RNF220: variants seen among roughly 807,000 people sequenced by gnomAD.
The protein encoded by RNF220 is E3 ubiquitin-protein ligase RNF220.
In RNF220, 7 loss-of-function variants were observed where a neutral mutation model predicts 67.1. The ratio of observed to expected loss-of-function variants is 0.10; its 90% CI spans 0.06 to 0.20. The LOEUF is 0.20. Ranked by LOEUF, RNF220 falls within the 10% of genes least tolerant of loss-of-function variation. The probability of loss-of-function intolerance (pLI) is 1.00; values close to 1 mark genes in which losing one functional copy is unlikely to be tolerated. For missense variants in RNF220, 565 were observed against 740.3 expected (o/e 0.76, Z 2.75); for synonymous variants, 270 against 283.2 (o/e 0.95, Z 0.47).
chr1:44,581,180 C>G (rs182693344), intron 2 of RNF220, among the ~76,000 whole-genome samples: 62 of 152,350 alleles, frequency 4.1e-4, no homozygotes, highest in African/African-American at 1.4e-3. Context: ...CTCTGCACCA[C>G]ACTCACACAC....
At chr1:44,558,962 G>A (rs1034303635) in intron 2 of RNF220, among the ~76,000 whole-genome samples, 7 of 152,200 alleles carry the variant, frequency 4.6e-5, no homozygotes, top group African/African-American at 1.7e-4. Flanking sequence ...TTCCCTCACA[G>A]CTGTTGTTTA....
chr1:44,422,382 C>T (rs938808775), intron 2 of RNF220, among the ~76,000 whole-genome samples: 10 of 152,202 alleles, frequency 6.6e-5, no homozygotes, highest in Non-Finnish European at 1.5e-4. Context: ...GCATGGGCTT[C>T]CTTCCTGACA....
At chr1:44,558,224 G>T (rs1663273307) in intron 2 of RNF220, among the ~76,000 whole-genome samples, 1 of 152,164 alleles carries the variant, frequency 6.6e-6, no homozygotes, top group South Asian at 2.1e-4. Context: ...GTACCCTTTT[G>T]CCCTGAAATC....
At chr1:44,452,311 T>C (rs941176588) in intron 2 of RNF220, among the ~76,000 whole-genome samples, 13 of 152,138 alleles carry the variant, frequency 8.5e-5, no homozygotes, top group South Asian at 8.3e-4. Context: ...CTCAGCACTT[T>C]GGGTGGCTGA....
chr1:44,630,177 ATCC>A (rs938312833), intron 5 of RNF220, among the ~76,000 whole-genome samples: 4 of 152,162 alleles, frequency 2.6e-5, no homozygotes, highest in African/African-American at 9.7e-5. Context: ...GGCTCAAGCA[ATCC>A]TCCTGCATTG....
rs150540744 is a variant in RNF220 at position 44,561,919 on chromosome 1, A to AAGAGAG, written c.626-52235_626-52230dup. On this transcript the variant is annotated intron_variant, in intron 2 of 14. Transcript: ENST00000361799. ...TTGACAAAGGGAGACCCTGTCTCAA[A>AAGAGAG]AGAGAGAGAGAGAGAGGAGAGAGCT... is the stretch of plus-strand genomic sequence containing the variant. Among the ~76,000 whole-genome samples, 333 of 151,286 alleles carry AAGAGAG rather than the reference A, an allele frequency of 2.2e-3. 2 individuals carry two copies. Among genetic ancestry groups the AAGAGAG allele is most frequent in the Admixed American group, 3.7e-3 (56 of 15,178 alleles).
chr1:44,488,586 A>G (rs899457920), intron 2 of RNF220, among the ~76,000 whole-genome samples: 1 of 152,222 alleles, frequency 6.6e-6, no homozygotes, highest in Non-Finnish European at 1.5e-5. Context: ...AAGTGCTGAG[A>G]TTGCAGGCGT....
At chr1:44,446,963 G>GAGCT (rs1262194060) in intron 2 of RNF220, among the ~76,000 whole-genome samples, 31 of 152,296 alleles carry the variant, frequency 2.0e-4, no homozygotes, top group African/African-American at 7.5e-4. Context: ...TCTGGTCCAT[G>GAGCT]AGCTCTACCT....
At chr1:44,618,480 A>G (rs1476972391) in intron 3 of RNF220, among the ~76,000 whole-genome samples, 2 of 152,198 alleles carry the variant, frequency 1.3e-5, no homozygotes, top group African/African-American at 4.8e-5. Context: ...AGGCTGTGCT[A>G]ACACTCTCTC....
chr1:44,525,303 A>G (rs542001782), intron 2 of RNF220, among the ~76,000 whole-genome samples: 1 of 152,282 alleles, frequency 6.6e-6, no homozygotes, highest in South Asian at 2.1e-4. Flanking sequence ...CTTTGGCAAA[A>G]CGGGGAAAGG....
intron 2 of RNF220, among the ~76,000 whole-genome samples, chr1:44,540,056 G>A (rs1661555029): frequency 6.6e-6 from 1 of 152,200 alleles, no homozygotes; most frequent in South Asian, 2.1e-4. Flanking sequence ...ACTGGGCCAT[G>A]AGAAATCCAT....
At chr1:44,536,011 A>G (rs114303265) in intron 2 of RNF220, among the ~76,000 whole-genome samples, 178 of 152,310 alleles carry the variant, frequency 1.2e-3, no homozygotes, top group African/African-American at 4.1e-3. Context: ...CCAACTCGCT[A>G]TTAAGCAAGG....
intron 2 of RNF220, among the ~76,000 whole-genome samples, chr1:44,469,172 G>C (rs1654558061): frequency 6.6e-6 from 1 of 152,128 alleles, no homozygotes; most frequent in Admixed American, 6.5e-5. Flanking sequence ...AAAACCCACA[G>C]GGAATCCTTT....
At chr1:44,636,955 G>A (rs1325210224) in intron 8 of RNF220, among the ~76,000 whole-genome samples, 3 of 152,254 alleles carry the variant, frequency 2.0e-5, no homozygotes, top group African/African-American at 4.8e-5. Flanking sequence ...CAGGGGAAAA[G>A]GGGAGCTGTC....
intron 2 of RNF220, among the ~76,000 whole-genome samples, chr1:44,542,289 C>T (rs1387395700): frequency 6.6e-6 from 1 of 152,160 alleles, no homozygotes; most frequent in African/African-American, 2.4e-5. Context: ...CAGGAGCTGA[C>T]CAAGTCTTTT....
chr1:44,496,249 A>G (rs1365387470), intron 2 of RNF220, among the ~76,000 whole-genome samples: 22 of 152,206 alleles, frequency 1.4e-4, no homozygotes, highest in African/African-American at 2.2e-4. Flanking sequence ...TCAGGTGCCT[A>G]TGGGAAATCC....
At position 44,650,806 on chromosome 1, in the gene RNF220, G is replaced by A; in HGVS notation, c.*31G>A. 6.2e-7 allele frequency: 1 copy of A among 1,604,208 alleles called. No homozygotes were observed. Among genetic ancestry groups the A allele is most frequent in the Non-Finnish European group, 8.5e-7 (1 of 1,173,540 alleles). On this transcript the variant is annotated 3_prime_UTR_variant, in exon 15 of 15. Coordinates refer to ENST00000361799, the MANE Select transcript of RNF220 (RefSeq NM_018150.4). The surrounding 1 kb of genome is among the most constrained non-coding windows in gnomAD (Gnocchi z 4.3). Reference sequence around the variant, plus strand: ...CTGCCCCAGGCAGGCCTCGCCTCCAGCAGCCCCACCTGCCCCCAGCCTCTG... The same window carrying A: ...CTGCCCCAGGCAGGCCTCGCCTCCAACAGCCCCACCTGCCCCCAGCCTCTG...
At chr1:44,521,826 C>T (rs560687133) in intron 2 of RNF220, among the ~76,000 whole-genome samples, 2 of 152,252 alleles carry the variant, frequency 1.3e-5, no homozygotes, top group South Asian at 2.1e-4. Context: ...CTGCCTAGTA[C>T]AGTACCTAGC....
chr1:44,557,768 A>G (rs779087841), intron 2 of RNF220, among the ~76,000 whole-genome samples: 1 of 152,230 alleles, frequency 6.6e-6, no homozygotes, highest in Non-Finnish European at 1.5e-5. Flanking sequence ...AAGCAAACCC[A>G]CTTTGCCTAC....
Sources: allele counts gnomAD v4.1 joint callset (sites outside exome capture counted in the v4.1 genomes callset), GRCh38; gene constraint gnomAD v4.1.1; non-coding constraint Gnocchi (gnomAD v3.1); transcripts MANE v1.5; gene names NCBI Gene and HGNC (gene_info 2026-07-23, HGNC 2026-07-21).